MAGI3: variants seen among roughly 807,000 people sequenced by gnomAD.
MAGI3 encodes the protein membrane associated guanylate kinase, WW and PDZ domain containing 3.
Under a neutral mutation model 121.8 loss-of-function variants are expected in MAGI3, and 43 were observed. The ratio of observed to expected loss-of-function variants is 0.35; its 90% CI spans 0.28 to 0.46. The LOEUF is 0.46. Among genes scored for constraint, MAGI3 ranks in the 20% least tolerant of loss-of-function variants. The pLI, the probability that MAGI3 is intolerant of heterozygous loss-of-function variation, is 1.00. For synonymous variants in MAGI3, 553 were observed against 639.3 expected, an observed-to-expected ratio of 0.86 and a Z score of 2.04; for missense variants, 1,547 against 1,797.3, an observed-to-expected ratio of 0.86 and a Z score of 2.52.
chr1:113,523,584 G>C (rs1658307955), intron 1 of MAGI3, among the ~76,000 whole-genome samples: 1 of 152,186 alleles, frequency 6.6e-6, no homozygotes, highest in South Asian at 2.1e-4. Context: ...CTGCCCTAGA[G>C]ATTTGTGGTA....
At chr1:113,443,326 T>C (rs1347677615) in intron 1 of MAGI3, among the ~76,000 whole-genome samples, 1 of 152,150 alleles carries the variant, frequency 6.6e-6, no homozygotes, top group African/African-American at 2.4e-5. Context: ...ATGTCTACCT[T>C]CTTGAAGACT....
chr1:113,422,902 G>A lies in MAGI3; in HGVS notation c.316+31553G>A, dbSNP rs981195523. Among the ~76,000 whole-genome samples, 6 of 152,176 alleles carry A rather than the reference G, an allele frequency of 3.9e-5. No individual in the cohort carries two copies. The highest frequency in any genetic ancestry group is 5.9e-5 in the Non-Finnish European group (4 of 68,024). On this transcript the variant is annotated intron_variant, in intron 1 of 20. Transcript: ENST00000307546. The surrounding 1 kb of genome is among the most constrained non-coding windows in gnomAD (Gnocchi z 4.3). ...CATTGCATGTGTGGCTGCCTGGTGC[G>A]GTGGAGGGCGGGAGGGCTATAGTGT...
At chr1:113,542,595 A>G (rs1228253645) in intron 1 of MAGI3, among the ~76,000 whole-genome samples, 1 of 152,180 alleles carries the variant, frequency 6.6e-6, no homozygotes, top group Non-Finnish European at 1.5e-5. Context: ...ACTCTCATTC[A>G]CTGCGTTTAG....
chr1:113,523,725 G>A (rs910686741), intron 1 of MAGI3, among the ~76,000 whole-genome samples: 5 of 152,176 alleles, frequency 3.3e-5, no homozygotes, highest in Admixed American at 6.5e-5. Flanking sequence ...TAAAAGTTTG[G>A]AAAATTTGCA....
chr1:113,393,372 A>G (rs183645561), intron 1 of MAGI3, among the ~76,000 whole-genome samples: 158 of 152,318 alleles, frequency 1.0e-3, no homozygotes, highest in African/African-American at 3.6e-3. Flanking sequence ...AGTTCTGAAT[A>G]CTACACTTGT....
At chr1:113,610,932 CA>C (rs948625327) in intron 6 of MAGI3, among the ~76,000 whole-genome samples, 4 of 148,468 alleles carry the variant, frequency 2.7e-5, no homozygotes, top group African/African-American at 9.9e-5. Context: ...GACTCCATCT[CA>C]AAAAAAAATA....
chr1:113,554,907 C>T (rs1370096816), intron 2 of MAGI3, among the ~76,000 whole-genome samples: 1 of 152,150 alleles, frequency 6.6e-6, no homozygotes, highest in Non-Finnish European at 1.5e-5. Context: ...GGGAGGATCA[C>T]TTGAGCCCAG....
At position 113,672,728 on chromosome 1, in the gene MAGI3, G is replaced by A; in HGVS notation, c.3032G>A (p.Ser1011Asn). 3 of 1,611,704 alleles carry A rather than the reference G, an allele frequency of 1.9e-6. No homozygotes were observed. The highest frequency in any genetic ancestry group is 1.7e-6 in the Non-Finnish European group (2 of 1,179,122). The change falls in exon 18 of 21, where the codon AGT becomes AAT. Residue 1011 changes from serine (S) to asparagine (N), a missense_variant. By Grantham distance (46) the Ser-to-Asn change is conservative. Coordinates refer to ENST00000307546, the MANE Select transcript of MAGI3 (RefSeq NM_001142782.2). ...PDTAVISVVG[S>N]RHNQNLGCYP... is the part of the protein sequence containing the mutation. ...ACCGCAGTAATTTCAGTTGTAGGCA[G>A]TCGGCACAATCAGGTAAACAAACAT... is the stretch of plus-strand genomic sequence containing the variant.
intron 5 of MAGI3, among the ~76,000 whole-genome samples, chr1:113,592,472 C>A (rs1259474257): frequency 6.6e-6 from 1 of 152,112 alleles, no homozygotes; most frequent in Non-Finnish European, 1.5e-5. Context: ...AAGCTTTTCT[C>A]AAGTGGCAGT....
chr1:113,446,262 A>G (rs1654174648), intron 1 of MAGI3, among the ~76,000 whole-genome samples: 1 of 152,210 alleles, frequency 6.6e-6, no homozygotes, highest in Admixed American at 6.5e-5. Flanking sequence ...TGGAGCTGTT[A>G]TGGGAGCAGA....
At chr1:113,476,108 TC>T (rs200313897) in intron 1 of MAGI3, among the ~76,000 whole-genome samples, 3,711 of 152,238 alleles carry the variant, frequency 0.024, 167 homozygotes, top group African/African-American at 0.085. Context: ...TCTATTTGAT[TC>T]TTTTTTTCTT....
chr1:113,674,293 G>T (rs759540850), intron 19 of MAGI3, among the ~76,000 whole-genome samples: 18 of 151,990 alleles, frequency 1.2e-4, no homozygotes, highest in South Asian at 6.2e-4. Flanking sequence ...TTGGGAGGCT[G>T]AGGCAGGAGA....
chr1:113,533,816 G>A lies in MAGI3; in HGVS notation c.317-15699G>A, dbSNP rs540046247. Among the ~76,000 whole-genome samples, 12 of 139,932 alleles carry A rather than the reference G, an allele frequency of 8.6e-5. 1 individual carries two copies. The South Asian group carries it at 1.8e-3, about 21-fold the overall frequency. The allele number at this position is 139,932 out of a possible 152,430, so 91.8% of individuals were successfully genotyped here. A position where few individuals can be genotyped will look rare whatever the true frequency, so the allele number is the denominator to read the frequency against. On this transcript the variant is annotated intron_variant, in intron 1 of 20. Transcript: ENST00000307546. ...TTTTTTTTTTGGAATCAGATTCCCC[G>A]TCCCCATAGCTAAAGAATTTAAATT...
intron 1 of MAGI3, among the ~76,000 whole-genome samples, chr1:113,458,424 T>C (rs1654875483): frequency 2.6e-5 from 4 of 152,200 alleles, no homozygotes. Flanking sequence ...TTTGGCTGTG[T>C]TAACTCTCAG....
At chr1:113,508,254 G>A (rs1657440215) in intron 1 of MAGI3, among the ~76,000 whole-genome samples, 1 of 152,158 alleles carries the variant, frequency 6.6e-6, no homozygotes, top group South Asian at 2.1e-4. Flanking sequence ...GTACATTTTA[G>A]TATTTTTGTT....
intron 13 of MAGI3, 96 bp downstream of exon 13, chr1:113,649,424 T>C (rs898997729): frequency 1.4e-6 from 1 of 724,058 alleles, no homozygotes; most frequent in Non-Finnish European, 2.3e-6. Flanking sequence ...TTTTTTTCTC[T>C]GACAGTTTCA....
At chr1:113,515,169 T>C (rs190996255) in intron 1 of MAGI3, among the ~76,000 whole-genome samples, 3 of 150,022 alleles carry the variant, frequency 2.0e-5, no homozygotes, top group African/African-American at 7.3e-5. Flanking sequence ...TAAAAAAAAA[T>C]TTTTTTTTTG....
chr1:113,605,411 C>T (rs1233536383), intron 6 of MAGI3, among the ~76,000 whole-genome samples: 1 of 152,060 alleles, frequency 6.6e-6, no homozygotes, highest in Non-Finnish European at 1.5e-5. Context: ...CTCAATTACT[C>T]ATTATTTAAA....
At chr1:113,496,005 T>G (rs1472980307) in intron 1 of MAGI3, among the ~76,000 whole-genome samples, 3 of 152,230 alleles carry the variant, frequency 2.0e-5, no homozygotes, top group Non-Finnish European at 4.4e-5. Context: ...TTCTTTAATA[T>G]GATAGATAAA....
Sources: allele counts gnomAD v4.1 joint callset (sites outside exome capture counted in the v4.1 genomes callset), GRCh38; gene constraint gnomAD v4.1.1; non-coding constraint Gnocchi (gnomAD v3.1); transcripts MANE v1.5; gene names NCBI Gene and HGNC (gene_info 2026-07-23, HGNC 2026-07-21).